The following ZNF827 variants were observed in gnomAD, a reference collection of about 807,000 sequenced individuals.
The protein encoded by ZNF827 is zinc finger protein 827.
Under a neutral mutation model 102.4 loss-of-function variants are expected in ZNF827, and 13 were observed. That is an observed-to-expected ratio of 0.13 (90% CI 0.08 to 0.20). ZNF827 has a LOEUF of 0.20. ZNF827 is among the 10% of genes least tolerant of loss of function. ZNF827 has a pLI of 1.00. For synonymous variants in ZNF827, 523 were observed against 536.2 expected, an observed-to-expected ratio of 0.98 and a Z score of 0.34; for missense variants, 1,103 against 1,344.4, an observed-to-expected ratio of 0.82 and a Z score of 2.81.
intron 3 of ZNF827, among the ~76,000 whole-genome samples, chr4:145,889,432 G>T (rs1750406955): frequency 6.6e-6 from 1 of 152,152 alleles, no homozygotes; most frequent in Non-Finnish European, 1.5e-5. Context: ...TGGAAACAGA[G>T]GTTTGGAGAG....
chr4:145,870,586 C>A, intron 4 of ZNF827, 108 bp from the exon 5 acceptor site: 1 of 974,426 alleles, frequency 1.0e-6, no homozygotes, highest in Non-Finnish European at 1.5e-6. Context: ...GTGCTAACAA[C>A]CGGAGGGATC....
rs190250302 is a variant in ZNF827, at chr4:145,908,756, C to T, written c.44-5541G>A. ...TTCCCTGCAAAGGGAAACAGAGACACAACAGTCTCTGGCATAAAAGTTTCT... is the reference window on the plus strand; with the variant it reads ...TTCCCTGCAAAGGGAAACAGAGACATAACAGTCTCTGGCATAAAAGTTTCT... On this transcript the variant is annotated intron_variant, in intron 1 of 14. Coordinates refer to ENST00000508784, the MANE Select transcript of ZNF827 (RefSeq NM_001306215.2). Among the ~76,000 whole-genome samples the T allele has an allele frequency of 2.5e-3, 377 of 152,312 alleles. 1 individual carries two copies. Among genetic ancestry groups the T allele is most frequent in the Non-Finnish European group, 4.2e-3 (285 of 68,030 alleles).
chr4:145,823,208 A>C (rs1184269394), intron 8 of ZNF827, among the ~76,000 whole-genome samples: 1 of 152,234 alleles, frequency 6.6e-6, no homozygotes, highest in African/African-American at 2.4e-5. Context: ...AAGAACAATA[A>C]GCTCTTAAAG....
chr4:145,809,264 G>A (rs1741787833), intron 8 of ZNF827, among the ~76,000 whole-genome samples: 2 of 152,148 alleles, frequency 1.3e-5, no homozygotes, highest in Admixed American at 1.3e-4. Flanking sequence ...TAACTTATTG[G>A]TGTTTTCTGA....
At chr4:145,847,968 G>A (rs866943424) in intron 6 of ZNF827, among the ~76,000 whole-genome samples, 3 of 152,128 alleles carry the variant, frequency 2.0e-5, no homozygotes, top group Non-Finnish European at 2.9e-5. Context: ...GCAGGAAATC[G>A]GGGCTAAATG....
intron 8 of ZNF827, among the ~76,000 whole-genome samples, chr4:145,801,835 A>G (rs753161022): frequency 6.6e-6 from 1 of 150,628 alleles, no homozygotes; most frequent in Non-Finnish European, 1.5e-5. Flanking sequence ...CCCTTTCAAT[A>G]CGTATGCTTT....
intron 3 of ZNF827, among the ~76,000 whole-genome samples, chr4:145,890,093 TGCAAAATGTA>T (rs1222379728): frequency 6.6e-6 from 1 of 152,154 alleles, no homozygotes; most frequent in Non-Finnish European, 1.5e-5. Context: ...AGACTAGATT[TGCAAAATGTA>T]GCAAAATTAA....
intron 1 of ZNF827, among the ~76,000 whole-genome samples, chr4:145,912,766 G>A (rs1752381013): frequency 6.6e-6 from 1 of 152,212 alleles, no homozygotes; most frequent in African/African-American, 2.4e-5. Flanking sequence ...CTTCCCTACC[G>A]CCTTCAGAGC....
intron 1 of ZNF827, among the ~76,000 whole-genome samples, chr4:145,928,119 A>G (rs1262619383): frequency 1.3e-5 from 2 of 152,152 alleles, no homozygotes; most frequent in Non-Finnish European, 2.9e-5. Context: ...GGGTTTTAAG[A>G]GCCTGAAAAA....
Position 145,822,881 on chromosome 4 carries a change from A to AT in ZNF827, c.2383+540dup, listed in dbSNP as rs535262570. Reference sequence around the variant, plus strand: ...AGAACGGATAAAAAATGATGTACTGATGGCTGAGATGGCAAAACAGAGCAC... The same window carrying AT: ...AGAACGGATAAAAAATGATGTACTGATTGGCTGAGATGGCAAAACAGAGCAC... On this transcript the variant is annotated intron_variant, in intron 8 of 14. Transcript: ENST00000508784. Among the ~76,000 whole-genome samples, 231 of 152,354 alleles carry AT rather than the reference A, an allele frequency of 1.5e-3. 1 individual carries two copies. The highest frequency in any genetic ancestry group is 5.4e-3 in the African/African-American group (226 of 41,580).
intron 8 of ZNF827, among the ~76,000 whole-genome samples, chr4:145,801,730 C>T (rs1383652272): frequency 1.3e-5 from 2 of 152,152 alleles, no homozygotes; most frequent in African/African-American, 4.8e-5. Context: ...AGTAATGCCC[C>T]AAGGGTGGGA....
intron 8 of ZNF827, among the ~76,000 whole-genome samples, chr4:145,789,220 T>G (rs990626336): frequency 6.6e-6 from 1 of 152,144 alleles, no homozygotes; most frequent in African/African-American, 2.4e-5. Context: ...AGCCTTACAT[T>G]GCCTATTTCT....
chr4:145,759,604 A>C lies in ZNF827; in HGVS notation c.*2012T>G, dbSNP rs115821972. 6.6e-6 allele frequency: 1 copy of C among 152,166 alleles called. No homozygotes were observed. The highest frequency in any genetic ancestry group is 1.5e-5 in the Non-Finnish European group (1 of 68,030). 9.4% of individuals were successfully genotyped at this position (152,166 alleles called of 1,614,324 possible). On this transcript the variant is annotated 3_prime_UTR_variant, in exon 15 of 15. Coordinates refer to ENST00000508784, the MANE Select transcript of ZNF827 (RefSeq NM_001306215.2). ...CAGCACCTTTTTGTTGCGTCATTAT[A>C]TGTCAAAGAGGTTGTGGCTAAATCT...
intron 1 of ZNF827, among the ~76,000 whole-genome samples, chr4:145,919,746 T>C (rs987431919): frequency 5.9e-5 from 9 of 152,218 alleles, no homozygotes; most frequent in Non-Finnish European, 1.2e-4. Context: ...GCCAAGTACA[T>C]GTAAACTGCA....
intron 7 of ZNF827, among the ~76,000 whole-genome samples, chr4:145,843,753 C>T (rs534932742): frequency 6.6e-6 from 1 of 152,340 alleles, no homozygotes; most frequent in South Asian, 2.1e-4. Context: ...AAGTGAGAAC[C>T]GCTGTCCCCA....
chr4:145,870,289 T>C lies in ZNF827; in HGVS notation c.1937A>G (p.Asp646Gly), dbSNP rs759827880. ...TTCAGAGGCTGCTTTGACTGACACA[T>C]CCCGCCTTAGCACACTTCCCTTCCC... ...QEGKGSVLRR[D>G]VSVKAASELL... The change falls in exon 5 of 15, where the codon GAT becomes GGT. Residue 646 changes from aspartate to glycine, a missense_variant. This residue lies in a region of ZNF827 where 243 missense variants were observed against 251.6 expected (regional missense o/e 0.97). Coordinates refer to ENST00000508784, the MANE Select transcript of ZNF827 (RefSeq NM_001306215.2). 6.2e-7 allele frequency: 1 copy of C among 1,614,108 alleles called. No individual in the cohort carries two copies. The highest frequency in any genetic ancestry group is 1.1e-5 in the South Asian group (1 of 91,074).
intron 7 of ZNF827, among the ~76,000 whole-genome samples, chr4:145,840,901 C>G (rs1240538963): frequency 1.3e-5 from 2 of 152,186 alleles, no homozygotes; most frequent in Non-Finnish European, 2.9e-5. Context: ...ATCTAAATCA[C>G]AGAAAAATAG....
At chr4:145,848,168 T>C (rs1193313042) in intron 6 of ZNF827, among the ~76,000 whole-genome samples, 1 of 152,220 alleles carries the variant, frequency 6.6e-6, no homozygotes, top group Non-Finnish European at 1.5e-5. Context: ...TAGATAAGCT[T>C]CATCCTTCAA....
At position 145,762,018 on chromosome 4, in the gene ZNF827, G is replaced by C. The variant is rs1734595115; in HGVS notation, c.*18-420C>G. 6.6e-6 allele frequency among the ~76,000 whole-genome samples: 1 copy of C among 152,008 alleles called. No homozygotes were observed. The highest frequency in any genetic ancestry group is 6.5e-5 in the Admixed American group (1 of 15,270). On this transcript the variant is annotated intron_variant, in intron 14 of 14. Coordinates refer to ENST00000508784, the MANE Select transcript of ZNF827 (RefSeq NM_001306215.2). This position sits in a 1 kb window ranked among gnomAD's most constrained non-coding sequence, Gnocchi z 4.9. ...CCCCTCTAGATGGGAGCAACACAAA[G>C]AATCGACTTTTCATGCACCACACCA... is the stretch of plus-strand genomic sequence containing the variant.
Sources: allele counts gnomAD v4.1 joint callset (sites outside exome capture counted in the v4.1 genomes callset), GRCh38; gene constraint gnomAD v4.1.1; regional missense constraint gnomAD v4.1.1; non-coding constraint Gnocchi (gnomAD v3.1); transcripts MANE v1.5; gene names NCBI Gene and HGNC (gene_info 2026-07-23, HGNC 2026-07-21).